The following ZC3H12B variants were observed in gnomAD, a reference collection of about 807,000 sequenced individuals.
The protein encoded by ZC3H12B is zinc finger CCCH-type containing 12B.
Under a neutral mutation model 43.9 loss-of-function variants are expected in ZC3H12B, and 7 were observed. The ratio of observed to expected loss-of-function variants is 0.16; its 90% CI spans 0.09 to 0.30. ZC3H12B has a LOEUF of 0.30. ZC3H12B is among the 10% of genes least tolerant of loss of function. The pLI is 1.00. For missense variants in ZC3H12B, 475 were observed against 670.2 expected (o/e 0.71, Z 3.22); for synonymous variants, 222 against 241.7 (o/e 0.92, Z 0.76).
the ZC3H12B span, among the ~76,000 whole-genome samples, chrX:65,141,643 C>T: frequency 1.8e-5 from 2 of 110,321 alleles, no homozygotes; most frequent in African/African-American, 6.6e-5. Flanking sequence ...ACACTGCACC[C>T]TATTTGTAGC....
the ZC3H12B span, among the ~76,000 whole-genome samples, chrX:65,188,849 G>A: frequency 9.4e-6 from 1 of 106,178 alleles, no homozygotes; most frequent in Non-Finnish European, 1.9e-5. Flanking sequence ...ACATTGTGCA[G>A]GTTAGATACA....
chrX:65,342,064 A>G, the ZC3H12B span, among the ~76,000 whole-genome samples: 2 of 111,215 alleles, frequency 1.8e-5, no homozygotes, highest in Non-Finnish European at 3.8e-5. Context: ...AAAGGTATAG[A>G]GAAAGATCTA....
At chrX:65,473,159 A>T (rs1446931808) in intron 3 of ZC3H12B, among the ~76,000 whole-genome samples, 2 of 106,497 alleles carry the variant, frequency 1.9e-5, no homozygotes, top group African/African-American at 3.4e-5. Flanking sequence ...GATTACAGGT[A>T]CATGCCACCA....
intron 3 of ZC3H12B, among the ~76,000 whole-genome samples, chrX:65,410,027 A>G (rs2066884284): frequency 9.1e-6 from 1 of 109,817 alleles, no homozygotes; most frequent in African/African-American, 3.3e-5. Flanking sequence ...ATAAGAGCAA[A>G]ATTGGAGAAA....
At chrX:65,288,088 C>G in the ZC3H12B span, among the ~76,000 whole-genome samples, 2 of 109,602 alleles carry the variant, frequency 1.8e-5, no homozygotes, top group Non-Finnish European at 3.8e-5. Flanking sequence ...TGGAAACATA[C>G]AACCTCCCAA....
the ZC3H12B span, among the ~76,000 whole-genome samples, chrX:65,146,313 T>C: frequency 8.9e-6 from 1 of 112,017 alleles, no homozygotes; most frequent in Non-Finnish European, 1.9e-5. Flanking sequence ...TCTATGTGTG[T>C]CCATTGTTTC....
the ZC3H12B span, among the ~76,000 whole-genome samples, chrX:65,353,667 T>A: frequency 8.9e-6 from 1 of 112,070 alleles, no homozygotes; most frequent in Non-Finnish European, 1.9e-5. Context: ...GTGGTCTAGA[T>A]CAGCGGATCC....
chrX:65,398,011 G>T (rs192405920), intron 2 of ZC3H12B, among the ~76,000 whole-genome samples: 1 of 111,711 alleles, frequency 9.0e-6, no homozygotes, highest in Non-Finnish European at 1.9e-5. Flanking sequence ...AAGAAATCAT[G>T]AAGGTAATCC....
At chrX:65,068,426 T>C in the ZC3H12B span, among the ~76,000 whole-genome samples, 1 of 111,216 alleles carries the variant, frequency 9.0e-6, no homozygotes, top group East Asian at 2.8e-4. Context: ...AAATATTGTC[T>C]TATAATTCAT....
chrX:65,364,591 A>G (rs1175193098), upstream of ZC3H12B, among the ~76,000 whole-genome samples: 1 of 110,710 alleles, frequency 9.0e-6, no homozygotes, highest in Non-Finnish European at 1.9e-5. Flanking sequence ...CAGTCTCTTC[A>G]CACACAAGGC....
intron 3 of ZC3H12B, among the ~76,000 whole-genome samples, chrX:65,445,554 A>G (rs2067364534): frequency 8.9e-6 from 1 of 112,592 alleles, no homozygotes; most frequent in Admixed American, 9.4e-5. Flanking sequence ...GGATTTACAC[A>G]AACATCTCTA....
intron 3 of ZC3H12B, among the ~76,000 whole-genome samples, chrX:65,442,467 G>A (rs933053411): frequency 2.2e-4 from 24 of 110,693 alleles, no homozygotes; most frequent in African/African-American, 6.3e-4. Flanking sequence ...CCTCTAAGCC[G>A]TTCTATGGCA....
At chrX:65,336,509 C>T in the ZC3H12B span, among the ~76,000 whole-genome samples, 1 of 112,540 alleles carries the variant, frequency 8.9e-6, no homozygotes, top group African/African-American at 3.2e-5. Flanking sequence ...TGCTTAGCAC[C>T]AATTATCGAA....
chrX:65,086,527 G>A, the ZC3H12B span, among the ~76,000 whole-genome samples: 1 of 111,680 alleles, frequency 9.0e-6, no homozygotes, highest in East Asian at 2.8e-4. Flanking sequence ...AATTACTGTT[G>A]TGAGGCTGTT....
chrX:65,129,051 ATGTGT>A, the ZC3H12B span, among the ~76,000 whole-genome samples: 1 of 109,834 alleles, frequency 9.1e-6, no homozygotes, highest in African/African-American at 3.3e-5. Flanking sequence ...GTAATTATTG[ATGTGT>A]TAGGGCTTAT....
the ZC3H12B span, among the ~76,000 whole-genome samples, chrX:65,050,847 G>T: frequency 2.7e-5 from 3 of 111,059 alleles, no homozygotes; most frequent in Non-Finnish European, 3.8e-5. Flanking sequence ...GAAGATTTTT[G>T]CATCTATGCT....
the ZC3H12B span, among the ~76,000 whole-genome samples, chrX:65,254,614 A>G: frequency 2.7e-5 from 3 of 112,581 alleles, no homozygotes; most frequent in African/African-American, 9.7e-5. Context: ...ACAGAGAAAG[A>G]AGCAGCACAA....
chrX:65,309,764 A>G, the ZC3H12B span, among the ~76,000 whole-genome samples: 1 of 112,192 alleles, frequency 8.9e-6, no homozygotes, highest in East Asian at 2.8e-4. Flanking sequence ...AATACTGGCA[A>G]ACAGAATCCA....
chrX:65,453,463 G>C, intron 3 of ZC3H12B, among the ~76,000 whole-genome samples: 1 of 98,689 alleles, frequency 1.0e-5, no homozygotes. Context: ...GCTCATGCCT[G>C]TAATTCCAGC....
Sources: gnomAD v4.1 joint callset for allele counts (sites outside exome capture counted in the v4.1 genomes callset) on GRCh38, gnomAD v4.1.1 for gene constraint, MANE v1.5 for transcripts, NCBI Gene and HGNC (gene_info 2026-07-23, HGNC 2026-07-21) for gene names.